The following DTL variants were observed in gnomAD, a reference collection of about 807,000 sequenced individuals.
DTL encodes denticleless E3 ubiquitin protein ligase adapter.
DTL carries 46 observed loss-of-function variants against 87.0 expected under a neutral mutation model. The ratio of observed to expected loss-of-function variants is 0.53; its 90% CI spans 0.42 to 0.68. The LOEUF (loss-of-function observed/expected upper bound fraction) is 0.68. Ranked by LOEUF, DTL falls within the 30% of genes least tolerant of loss-of-function variation. The pLI is 0.00. For synonymous variants in DTL, 308 were observed against 311.2 expected, an observed-to-expected ratio of 0.99 and a Z score of 0.11; for missense variants, 737 against 869.4, an observed-to-expected ratio of 0.85 and a Z score of 1.91.
chr1:212,055,963 C>T (rs1164513153), intron 5 of DTL, among the ~76,000 whole-genome samples: 1 of 152,222 alleles, frequency 6.6e-6, no homozygotes, highest in Non-Finnish European at 1.5e-5. Flanking sequence ...CCATAGCTGG[C>T]ACCAACCTGT....
At chr1:212,061,711 A>T (rs1417657795) in intron 5 of DTL, among the ~76,000 whole-genome samples, 1 of 152,234 alleles carries the variant, frequency 6.6e-6, no homozygotes, top group East Asian at 1.9e-4. Flanking sequence ...ATTTGGCCAT[A>T]AGGAAATGTC....
chr1:212,047,755 A>G (rs929379190), intron 5 of DTL, among the ~76,000 whole-genome samples: 2 of 152,060 alleles, frequency 1.3e-5, no homozygotes, highest in Non-Finnish European at 1.5e-5. Context: ...AGGCTGGTCT[A>G]GAACTCCTGA....
intron 5 of DTL, among the ~76,000 whole-genome samples, chr1:212,057,737 C>G (rs1397989306): frequency 1.3e-5 from 2 of 152,062 alleles, no homozygotes; most frequent in Non-Finnish European, 2.9e-5. Flanking sequence ...CTTCACATAT[C>G]AATAACGTTG....
chr1:212,079,857 G>A (rs1275422693), intron 12 of DTL, among the ~76,000 whole-genome samples: 1 of 152,128 alleles, frequency 6.6e-6, no homozygotes, highest in East Asian at 1.9e-4. Context: ...AAGAGAACAT[G>A]TATTCTTTTT....
intron 5 of DTL, among the ~76,000 whole-genome samples, chr1:212,059,528 A>T (rs188650454): frequency 6.6e-6 from 1 of 152,166 alleles, no homozygotes; most frequent in South Asian, 2.1e-4. Context: ...ATCTCAACAT[A>T]AAAAGGCTGT....
At position 212,100,628 on chromosome 1, in the gene DTL, G is replaced by C; in HGVS notation, c.1638G>C (p.Glu546Asp). 1 of 1,614,064 alleles carries C rather than the reference G, an allele frequency of 6.2e-7. No homozygotes were observed. Among genetic ancestry groups the C allele is most frequent in the Non-Finnish European group, 8.5e-7 (1 of 1,180,012 alleles). The change falls in exon 14 of 15, where the codon GAG (glutamate) becomes GAC (aspartate). Residue 546 changes from glutamate (E) to aspartate (D), a missense_variant. Coordinates refer to ENST00000366991, the MANE Select transcript of DTL (RefSeq NM_016448.4). ...CATCCCAAGCAGAGGCTTGCTCTGA[G>C]TCTAGAAATAGAGTAAAGAGGAGGC... ...QKSSQAEACS[E>D]SRNRVKRRLD...
At chr1:212,045,760 A>G (rs1037981787) in intron 3 of DTL, among the ~76,000 whole-genome samples, 1 of 152,204 alleles carries the variant, frequency 6.6e-6, no homozygotes, top group African/African-American at 2.4e-5. Flanking sequence ...AAAGCATAGG[A>G]TATAATAGGA....
intron 8 of DTL, 136 bp from the exon 9 acceptor site, chr1:212,068,088 C>G: frequency 1.7e-6 from 1 of 572,616 alleles, no homozygotes; most frequent in Non-Finnish European, 3.1e-6. Context: ...TAATTTGTTT[C>G]CCAATGAAAT....
At chr1:212,044,555 A>G (rs909195468) in intron 2 of DTL, 105 bp from the exon 3 acceptor site, 2 of 641,958 alleles carry the variant, frequency 3.1e-6, no homozygotes, top group Non-Finnish European at 5.4e-6. Flanking sequence ...AGTGAGCCAA[A>G]CTGCACTATT....
intron 5 of DTL, among the ~76,000 whole-genome samples, chr1:212,055,890 C>T (rs1490385592): frequency 6.6e-6 from 1 of 152,218 alleles, no homozygotes; most frequent in Non-Finnish European, 1.5e-5. Flanking sequence ...CAGTTCATCA[C>T]CAGTGGTGCC....
Position 212,035,756 on chromosome 1 carries a change from G to A in DTL, c.-135G>A. 1 of 878,004 alleles carries A rather than the reference G, an allele frequency of 1.1e-6. No individual in the cohort carries two copies. The highest frequency in any genetic ancestry group is 1.8e-6 in the Non-Finnish European group (1 of 550,442). 54.4% of individuals were successfully genotyped at this position (878,004 alleles called of 1,614,324 possible). ...TGACGTCAGTTTGGCGCGGAGTTTGGCGGCCGGGGCTTACAGTGGCGGGAG... is the reference window on the plus strand; with the variant it reads ...TGACGTCAGTTTGGCGCGGAGTTTGACGGCCGGGGCTTACAGTGGCGGGAG... On this transcript the variant is annotated 5_prime_UTR_variant, in exon 1 of 15. Transcript: ENST00000366991.
chr1:212,049,473 C>T (rs1444402060), intron 5 of DTL, among the ~76,000 whole-genome samples: 1 of 152,042 alleles, frequency 6.6e-6, no homozygotes, highest in Non-Finnish European at 1.5e-5. Flanking sequence ...ATCTTTTGGT[C>T]CTTTTGCTTA....
At chr1:212,100,105 G>T in intron 13 of DTL, 147 bp from the exon 14 acceptor site, 1 of 525,182 alleles carries the variant, frequency 1.9e-6, no homozygotes, top group Non-Finnish European at 3.4e-6. Context: ...ATGATAAAAG[G>T]GTGTGGTTGG....
At position 212,067,374 on chromosome 1, in the gene DTL, C is replaced by T. The variant is rs373804675; in HGVS notation, c.713+489C>T. On this transcript the variant is annotated intron_variant, in intron 8 of 14. Transcript: ENST00000366991. ...CTAATGACTTTCACATACCTGTCAT[C>T]CATGATTAGTCTGAATTCTTGGCTT... Among the ~76,000 whole-genome samples the T allele has an allele frequency of 3.5e-4, 54 of 152,262 alleles. 2 individuals are homozygous for T. The South Asian group carries it at 0.01, about 29-fold the overall frequency.
chr1:212,064,196 A>C (rs1223257799), intron 6 of DTL, among the ~76,000 whole-genome samples: 2 of 152,106 alleles, frequency 1.3e-5, no homozygotes, highest in Non-Finnish European at 2.9e-5. Flanking sequence ...TATTTAGAAA[A>C]ATTTTAATAA....
At chr1:212,056,738 CAAAG>C (rs1243143240) in intron 5 of DTL, among the ~76,000 whole-genome samples, 2 of 151,808 alleles carry the variant, frequency 1.3e-5, no homozygotes, top group Non-Finnish European at 2.9e-5. Flanking sequence ...AAAGACAATA[CAAAG>C]AAACAGAAAA....
At chr1:212,039,137 G>A (rs562568038) in intron 1 of DTL, among the ~76,000 whole-genome samples, 2 of 152,200 alleles carry the variant, frequency 1.3e-5, no homozygotes, top group Admixed American at 1.3e-4. Flanking sequence ...GCTGTTTTCT[G>A]TCATAAGCCT....
At chr1:212,072,760 CTT>C (rs368207666) in intron 11 of DTL, among the ~76,000 whole-genome samples, 2,186 of 124,716 alleles carry the variant, frequency 0.018, 44 homozygotes, top group African/African-American at 0.06. Context: ...ATTTACTAAT[CTT>C]TTTTTTTTTT....
chr1:212,053,848 A>G (rs1008243017), intron 5 of DTL, among the ~76,000 whole-genome samples: 1 of 152,192 alleles, frequency 6.6e-6, no homozygotes, highest in Admixed American at 6.5e-5. Context: ...ATCCTTTACA[A>G]CCTTATCTGA....
Sources: gnomAD v4.1 joint callset for allele counts (sites outside exome capture counted in the v4.1 genomes callset) on GRCh38, gnomAD v4.1.1 for gene constraint, MANE v1.5 for transcripts, NCBI Gene and HGNC (gene_info 2026-07-23, HGNC 2026-07-21) for gene names.